TIPIN: variants seen among roughly 807,000 people sequenced by gnomAD.
The protein encoded by TIPIN is TIMELESS-interacting protein.
TIPIN carries 29 observed loss-of-function variants against 35.6 expected under a neutral mutation model. That is an observed-to-expected ratio of 0.82 (90% CI 0.61 to 1.11). TIPIN has a LOEUF of 1.11. Among genes scored for constraint, TIPIN ranks in the 50% most tolerant of loss-of-function variants. The pLI is 0.00. For synonymous variants in TIPIN, 102 were observed against 121.5 expected, an observed-to-expected ratio of 0.84 and a Z score of 1.06; for missense variants, 296 against 345.4, an observed-to-expected ratio of 0.86 and a Z score of 1.13.
intron 1 of TIPIN, among the ~76,000 whole-genome samples, chr15:66,367,198 A>G (rs1399575386): frequency 1.8e-5 from 2 of 114,088 alleles, no homozygotes; most frequent in African/African-American, 9.0e-5. Context: ...ATCTATATCT[A>G]TATCTATATC....
At chr15:66,354,042 T>A (rs2093187377) in intron 1 of TIPIN, among the ~76,000 whole-genome samples, 1 of 152,138 alleles carries the variant, frequency 6.6e-6, no homozygotes, top group Non-Finnish European at 1.5e-5. Flanking sequence ...CCTCCCTTTC[T>A]GGGCACTCCT....
intron 4 of TIPIN, among the ~76,000 whole-genome samples, chr15:66,349,686 C>T (rs542881805): frequency 6.6e-6 from 1 of 152,150 alleles, no homozygotes; most frequent in East Asian, 1.9e-4. Context: ...TAAGACCAGC[C>T]TGGGAAACAT....
At chr15:66,346,729 C>A (rs1029267883) in intron 6 of TIPIN, among the ~76,000 whole-genome samples, 3 of 152,148 alleles carry the variant, frequency 2.0e-5, no homozygotes, top group African/African-American at 7.2e-5. Context: ...TACATATACC[C>A]AATCCTATGC....
Position 66,348,852 on chromosome 15 carries a change from G to C in TIPIN, c.475+208C>G, listed in dbSNP as rs2093146911. Reference sequence around the variant, plus strand: ...CCCAGCTACTCGGGAGGCTGAGGCGGGAGGATCCCTTAAGCCCAGGAGTTG... The same window carrying C: ...CCCAGCTACTCGGGAGGCTGAGGCGCGAGGATCCCTTAAGCCCAGGAGTTG... On this transcript the variant is annotated intron_variant, in intron 6 of 7. Transcript: ENST00000261881. Among the ~76,000 whole-genome samples the C allele has an allele frequency of 5.3e-5, 8 of 152,250 alleles. 1 individual carries two copies. In the South Asian group the frequency reaches 8.3e-4, roughly 16 times the overall value.
chr15:66,341,486 GGGC>G lies in TIPIN; in HGVS notation c.476-133_476-131del, dbSNP rs2093086746. 2.6e-4 allele frequency: 131 copies of G among 509,968 alleles called. 1 individual carries two copies. The African/African-American group carries it at 3.4e-3, about 13-fold the overall frequency. The allele number at this position is 509,968 out of a possible 1,614,324, so 31.6% of individuals were successfully genotyped here. On this transcript the variant is annotated intron_variant, in intron 6 of 7. Coordinates refer to ENST00000261881, the MANE Select transcript of TIPIN (RefSeq NM_017858.3). ...AATTTGTGAAGTATAAGAATGTTGT[GGGC>G]CGGGCGCGGTGGCTCACGCCTGTAA...
intron 1 of TIPIN, among the ~76,000 whole-genome samples, chr15:66,383,305 C>T (rs541226626): frequency 1.0e-4 from 15 of 150,500 alleles, no homozygotes; most frequent in Non-Finnish European, 2.1e-4. Context: ...CTGTGTTGCA[C>T]AGGCTGGAGT....
intron 7 of TIPIN, among the ~76,000 whole-genome samples, chr15:66,340,171 C>CTT (rs1213707475): frequency 0.12 from 8,304 of 69,398 alleles, 813 homozygotes; most frequent in Non-Finnish European, 0.14. Flanking sequence ...TGCGCCTGGC[C>CTT]TTTTTTTTTT....
chr15:66,339,524 T>A (rs1298194849), intron 7 of TIPIN, among the ~76,000 whole-genome samples: 2 of 152,186 alleles, frequency 1.3e-5, no homozygotes, highest in African/African-American at 2.4e-5. Flanking sequence ...CTAAATATAG[T>A]TTTAACAAAT....
At chr15:66,342,091 G>A (rs368656259) in intron 6 of TIPIN, among the ~76,000 whole-genome samples, 21 of 150,150 alleles carry the variant, frequency 1.4e-4, no homozygotes, top group African/African-American at 4.7e-4. Context: ...GGCTGAGGCA[G>A]GAGAATTGCT....
At chr15:66,356,478 G>T (rs2093204784) in intron 1 of TIPIN, among the ~76,000 whole-genome samples, 161 bp downstream of exon 1, 1 of 152,102 alleles carries the variant, frequency 6.6e-6, no homozygotes, top group African/African-American at 2.4e-5. Context: ...CGCCTCTCCA[G>T]GCCGGGTCAG....
chr15:66,377,522 G>A (rs1472553055), intron 1 of TIPIN, among the ~76,000 whole-genome samples: 5 of 150,054 alleles, frequency 3.3e-5, no homozygotes, highest in East Asian at 2.0e-4. Flanking sequence ...GTGCCACCAC[G>A]CCCAACTAAT....
chr15:66,350,746 G>A (rs1005391034), intron 4 of TIPIN, among the ~76,000 whole-genome samples: 3 of 151,456 alleles, frequency 2.0e-5, no homozygotes, highest in Admixed American at 1.3e-4. Flanking sequence ...TGGCTAACAC[G>A]GTGAAACCCC....
intron 1 of TIPIN, among the ~76,000 whole-genome samples, chr15:66,367,497 C>T (rs988319415): frequency 2.6e-5 from 4 of 151,372 alleles, no homozygotes; most frequent in African/African-American, 4.8e-5. Flanking sequence ...TGGGTTCAAG[C>T]GTTTCTCCTG....
chr15:66,336,922 G>A lies in TIPIN; in HGVS notation c.*36C>T, dbSNP rs778863781. 38 of 1,575,734 alleles carry A rather than the reference G, an allele frequency of 2.4e-5. No homozygotes were observed. In the African/African-American group the frequency reaches 2.8e-4, roughly 12 times the overall value. ...CATAGTAACGCCAAGCTTGCAGGAC[G>A]ATGACTTAACAGATACATTTTCTCT... On this transcript the variant is annotated 3_prime_UTR_variant, in exon 8 of 8. Transcript: ENST00000261881.
intron 1 of TIPIN, among the ~76,000 whole-genome samples, chr15:66,378,565 T>C (rs2140498957): frequency 6.6e-6 from 1 of 152,340 alleles, no homozygotes; most frequent in South Asian, 2.1e-4. Context: ...TGGAGAAATG[T>C]TAAATCTTTG....
intron 6 of TIPIN, among the ~76,000 whole-genome samples, chr15:66,342,972 CTGTCCCT>C: frequency 6.6e-6 from 1 of 152,206 alleles, no homozygotes; most frequent in East Asian, 1.9e-4. Context: ...CAGTGGTTAA[CTGTCCCT>C]TGTCCTTATG....
intron 1 of TIPIN, among the ~76,000 whole-genome samples, chr15:66,367,193 T>TATCTA: frequency 9.4e-6 from 1 of 106,838 alleles, no homozygotes; most frequent in Non-Finnish European, 1.8e-5. Context: ...AAAAAATCTA[T>TATCTA]ATCTATATCT....
upstream of TIPIN, among the ~76,000 whole-genome samples, chr15:66,359,981 C>T (rs2093224071): frequency 1.3e-5 from 2 of 152,170 alleles, no homozygotes; most frequent in Admixed American, 1.3e-4. Flanking sequence ...AATCATAGCT[C>T]ACTGTAACCG....
upstream of TIPIN, among the ~76,000 whole-genome samples, chr15:66,357,431 T>G (rs576569678): frequency 3.8e-4 from 57 of 151,984 alleles, no homozygotes; most frequent in Non-Finnish European, 6.5e-4. Context: ...GGGCTGAACA[T>G]AGACACTGGC....
Sources: gnomAD v4.1 joint callset for allele counts (sites outside exome capture counted in the v4.1 genomes callset) on GRCh38, gnomAD v4.1.1 for gene constraint, MANE v1.5 for transcripts, NCBI Gene and HGNC (gene_info 2026-07-23, HGNC 2026-07-21) for gene names.